GALNT13: variants seen among roughly 807,000 people sequenced by gnomAD.
GALNT13 encodes polypeptide N-acetylgalactosaminyltransferase 13, also known as UDP-GalNAc:polypeptide N-acetylgalactosaminyltransferase 13.
GALNT13 carries 28 observed loss-of-function variants against 64.2 expected under a neutral mutation model. The ratio of observed to expected loss-of-function variants is 0.44; its 90% CI spans 0.32 to 0.60. The LOEUF is 0.60. GALNT13 is among the 20% of genes least tolerant of loss of function. The probability of loss-of-function intolerance (pLI) is 0.05; values close to 1 mark genes in which losing one functional copy is unlikely to be tolerated. For synonymous variants in GALNT13, 214 were observed against 224.6 expected (o/e 0.95, Z 0.42); for missense variants, 577 against 669.8 (o/e 0.86, Z 1.53).
intron 9 of GALNT13, among the ~76,000 whole-genome samples, chr2:154,363,307 G>A (rs2105290792): frequency 6.6e-6 from 1 of 152,246 alleles, no homozygotes; most frequent in African/African-American, 2.4e-5. Flanking sequence ...CTTGCTTCCA[G>A]TCTTTTCAGA....
At chr2:154,369,248 T>C (rs190539067) in intron 9 of GALNT13, among the ~76,000 whole-genome samples, 23 of 152,152 alleles carry the variant, frequency 1.5e-4, no homozygotes, top group Admixed American at 1.5e-3. Flanking sequence ...CATGGCACTA[T>C]AGAAAGAGCA....
the GALNT13 span, among the ~76,000 whole-genome samples, chr2:153,539,212 G>A: frequency 3.3e-5 from 5 of 152,184 alleles, no homozygotes; most frequent in East Asian, 1.9e-4. Context: ...GTCTGTTCAT[G>A]TCCTTTGCCC....
At chr2:153,518,479 ATATAC>A in the GALNT13 span, among the ~76,000 whole-genome samples, 2 of 152,202 alleles carry the variant, frequency 1.3e-5, no homozygotes, top group South Asian at 4.1e-4. Flanking sequence ...GAAATCCAAA[ATATAC>A]TAAGAAAACA....
At chr2:153,797,137 C>T in the GALNT13 span, among the ~76,000 whole-genome samples, 1 of 152,174 alleles carries the variant, frequency 6.6e-6, no homozygotes, top group African/African-American at 2.4e-5. Flanking sequence ...CCTACTTCGT[C>T]AGCAGATGTA....
the GALNT13 span, among the ~76,000 whole-genome samples, chr2:153,349,248 C>A: frequency 6.6e-6 from 1 of 151,888 alleles, no homozygotes; most frequent in Admixed American, 6.6e-5. Flanking sequence ...GTGAACCGTG[C>A]ATTTTCTTTT....
chr2:154,014,278 T>G (rs1354809616), intron 3 of GALNT13, among the ~76,000 whole-genome samples: 1 of 152,086 alleles, frequency 6.6e-6, no homozygotes, highest in Non-Finnish European at 1.5e-5. Context: ...CGCTGCCAGA[T>G]CAAGTGGTTT....
At chr2:153,358,258 A>G in the GALNT13 span, among the ~76,000 whole-genome samples, 1 of 152,218 alleles carries the variant, frequency 6.6e-6, no homozygotes, top group Admixed American at 6.5e-5. Context: ...TCCAGTATGT[A>G]TGTCTTTATC....
the GALNT13 span, among the ~76,000 whole-genome samples, chr2:153,768,710 C>A: frequency 6.6e-6 from 1 of 151,858 alleles, no homozygotes; most frequent in Admixed American, 6.6e-5. Flanking sequence ...ACTAAAAATA[C>A]AAAAAATTAG....
intron 9 of GALNT13, among the ~76,000 whole-genome samples, chr2:154,378,091 C>T (rs1021536381): frequency 1.3e-5 from 2 of 152,058 alleles, no homozygotes; most frequent in African/African-American, 4.8e-5. Context: ...AGATTTCAGA[C>T]CCACAGACTA....
the GALNT13 span, among the ~76,000 whole-genome samples, chr2:153,195,239 G>A: frequency 6.6e-6 from 1 of 152,118 alleles, no homozygotes; most frequent in Non-Finnish European, 1.5e-5. Context: ...AAACCTCTGT[G>A]TCCCATGGTG....
intron 12 of GALNT13, among the ~76,000 whole-genome samples, chr2:154,449,921 G>A (rs938789124): frequency 6.6e-5 from 10 of 151,992 alleles, no homozygotes; most frequent in African/African-American, 2.4e-4. Flanking sequence ...TACAATGAGT[G>A]TCTTACAGTC....
At chr2:153,892,575 T>G (rs1337059469) in intron 1 of GALNT13, among the ~76,000 whole-genome samples, 1 of 152,034 alleles carries the variant, frequency 6.6e-6, no homozygotes, top group Admixed American at 6.6e-5. Context: ...AAAATTAATA[T>G]CTAAGCAATC....
the GALNT13 span, among the ~76,000 whole-genome samples, chr2:153,476,254 A>G: frequency 6.6e-6 from 1 of 152,320 alleles, no homozygotes; most frequent in African/African-American, 2.4e-5. Context: ...TTTGATCCCA[A>G]TCTTTGAGTC....
At chr2:153,965,104 A>G (rs1257759521) in intron 3 of GALNT13, among the ~76,000 whole-genome samples, 1 of 152,202 alleles carries the variant, frequency 6.6e-6, no homozygotes, top group Non-Finnish European at 1.5e-5. Flanking sequence ...TATGAGGTAC[A>G]TGTGATATTT....
intron 3 of GALNT13, among the ~76,000 whole-genome samples, chr2:154,010,618 G>C (rs768873601): frequency 2.6e-5 from 4 of 152,114 alleles, no homozygotes; most frequent in Admixed American, 6.5e-5. Flanking sequence ...AATTAGGTTA[G>C]AATTCCTTCT....
chr2:153,459,183 T>C, the GALNT13 span, among the ~76,000 whole-genome samples: 1 of 151,960 alleles, frequency 6.6e-6, no homozygotes, highest in Non-Finnish European at 1.5e-5. Context: ...AAACATAAAA[T>C]ATGTTGAAAA....
At chr2:153,933,164 T>C (rs1311670621) in intron 2 of GALNT13, among the ~76,000 whole-genome samples, 1 of 152,168 alleles carries the variant, frequency 6.6e-6, no homozygotes, top group African/African-American at 2.4e-5. Flanking sequence ...GTTCAGGTCC[T>C]GAATTTCTTT....
At chr2:153,197,056 G>T in the GALNT13 span, among the ~76,000 whole-genome samples, 2 of 152,196 alleles carry the variant, frequency 1.3e-5, no homozygotes, top group African/African-American at 4.8e-5. Context: ...CCAAAGTGAT[G>T]TGTACAGGTG....
chr2:153,449,895 C>T, the GALNT13 span: 2 of 152,158 alleles, frequency 1.3e-5, no homozygotes, highest in African/African-American at 4.8e-5. Flanking sequence ...CCTTTATGAC[C>T]TAATCACCTC....
Sources: gnomAD v4.1 joint callset for allele counts (sites outside exome capture counted in the v4.1 genomes callset) on GRCh38, gnomAD v4.1.1 for gene constraint, MANE v1.5 for transcripts, NCBI Gene and HGNC (gene_info 2026-07-23, HGNC 2026-07-21) for gene names.